The following CDC42SE2 variants were observed in gnomAD, a reference collection of about 807,000 sequenced individuals.
CDC42SE2 encodes the protein CDC42 small effector 2, also known as CDC42 small effector protein 2.
CDC42SE2 carries 3 observed loss-of-function variants against 11.5 expected under a neutral mutation model. The observed-to-expected ratio is 0.26, with a 90% CI of 0.12 to 0.67. The LOEUF (loss-of-function observed/expected upper bound fraction) is 0.67, where lower values mean the gene tolerates loss of function less well. CDC42SE2 is among the 30% of genes least tolerant of loss of function. CDC42SE2 has a pLI of 0.80. For synonymous variants in CDC42SE2, 33 were observed against 34.8 expected (o/e 0.95, Z 0.18); for missense variants, 82 against 106.8 (o/e 0.77, Z 1.02).
intron 1 of CDC42SE2, among the ~76,000 whole-genome samples, chr5:131,245,844 T>C (rs1410690297): frequency 6.6e-6 from 1 of 152,240 alleles, no homozygotes; most frequent in East Asian, 1.9e-4. Context: ...TTGACTTTTA[T>C]TTTAGTCTAT....
intron 1 of CDC42SE2, among the ~76,000 whole-genome samples, chr5:131,265,460 A>T (rs1756840073): frequency 6.6e-6 from 1 of 152,124 alleles, no homozygotes; most frequent in African/African-American, 2.4e-5. Flanking sequence ...AGGGGGGGAA[A>T]AGCTAATGTT....
intron 1 of CDC42SE2, among the ~76,000 whole-genome samples, chr5:131,246,457 A>AAAAAT (rs1365913904): frequency 6.6e-6 from 1 of 152,192 alleles, no homozygotes; most frequent in Non-Finnish European, 1.5e-5. Flanking sequence ...TCTGTCCCAA[A>AAAAAT]AAAATAAAAT....
intron 1 of CDC42SE2, among the ~76,000 whole-genome samples, chr5:131,293,940 C>T (rs763950020): frequency 5.3e-5 from 8 of 152,100 alleles, no homozygotes; most frequent in Non-Finnish European, 1.0e-4. Flanking sequence ...GGGACAAATT[C>T]GATATGTATT....
At chr5:131,296,446 T>G (rs191097605) in intron 1 of CDC42SE2, among the ~76,000 whole-genome samples, 26 of 152,308 alleles carry the variant, frequency 1.7e-4, no homozygotes, top group African/African-American at 6.0e-4. Flanking sequence ...AACAGCGCTG[T>G]GTTCCCCATG....
At chr5:131,219,867 G>A in the CDC42SE2 span, among the ~76,000 whole-genome samples, 6 of 152,144 alleles carry the variant, frequency 3.9e-5, no homozygotes, top group Non-Finnish European at 7.3e-5. Context: ...AGCCCAGGGG[G>A]CAGAGGTTGC....
At chr5:131,351,800 A>G (rs1037645799) in intron 2 of CDC42SE2, among the ~76,000 whole-genome samples, 2 of 152,348 alleles carry the variant, frequency 1.3e-5, no homozygotes, top group Non-Finnish European at 1.5e-5. Flanking sequence ...AAAAAGCACA[A>G]ATCATAAGAG....
At chr5:131,213,540 C>T in the CDC42SE2 span, among the ~76,000 whole-genome samples, 1 of 152,102 alleles carries the variant, frequency 6.6e-6, no homozygotes, top group Admixed American at 6.5e-5. Context: ...CCTTAACCTC[C>T]TGGGCTCAAG....
At chr5:131,222,194 A>T in the CDC42SE2 span, among the ~76,000 whole-genome samples, 1 of 152,348 alleles carries the variant, frequency 6.6e-6, no homozygotes, top group Non-Finnish European at 1.5e-5. Flanking sequence ...CTCAAATTTT[A>T]CTAATTTGGG....
intron 1 of CDC42SE2, among the ~76,000 whole-genome samples, chr5:131,291,072 G>T (rs951474510): frequency 8.5e-5 from 13 of 152,126 alleles, no homozygotes; most frequent in Non-Finnish European, 1.3e-4. Context: ...TTATAAGTGT[G>T]CCTGATTTGT....
In CDC42SE2 at chr5:131,334,014, T is replaced by G. The variant is rs528733312; in HGVS notation, c.-286+17870T>G. On this transcript the variant is annotated intron_variant, in intron 2 of 4. Transcript: ENST00000505065. Reference sequence around the variant, plus strand: ...TCCAACACTATGTTGAATAGGAGTGTTGAGAGAGGGCATCCCTGTCTTGTG... The same window carrying G: ...TCCAACACTATGTTGAATAGGAGTGGTGAGAGAGGGCATCCCTGTCTTGTG... 6.8e-3 allele frequency among the ~76,000 whole-genome samples: 1,034 copies of G among 152,046 alleles called. 14 individuals are homozygous for G. Among genetic ancestry groups the G allele is most frequent in the African/African-American group, 0.024 (984 of 41,360 alleles).
At chr5:131,357,215 T>C (rs1257736766) in intron 2 of CDC42SE2, among the ~76,000 whole-genome samples, 1 of 152,242 alleles carries the variant, frequency 6.6e-6, no homozygotes, top group Non-Finnish European at 1.5e-5. Flanking sequence ...AGGTTCTGAA[T>C]TTTAATTAAT....
At position 131,320,608 on chromosome 5, in the gene CDC42SE2, G is replaced by A. The variant is rs1472281376; in HGVS notation, c.-286+4464G>A. 3.3e-5 allele frequency among the ~76,000 whole-genome samples: 5 copies of A among 152,068 alleles called. No individual in the cohort carries two copies. In the South Asian group the frequency reaches 1.0e-3, roughly 32 times the overall value. On this transcript the variant is annotated intron_variant, in intron 2 of 4. Coordinates refer to ENST00000505065, the MANE Select transcript of CDC42SE2 (RefSeq NM_001375635.1). ...AATACAAAAATTAGCCAGGCATGGT[G>A]GCGCATGCTTGTAATCTCAGCTACT... is the stretch of plus-strand genomic sequence containing the variant.
intron 4 of CDC42SE2, among the ~76,000 whole-genome samples, chr5:131,390,771 A>G (rs986701376): frequency 6.6e-6 from 1 of 152,206 alleles, no homozygotes; most frequent in African/African-American, 2.4e-5. Context: ...GTAATTTGGA[A>G]ATAGAGAAAA....
chr5:131,258,765 TCTAA>T (rs1393692227), intron 2 of CDC42SE2, among the ~76,000 whole-genome samples: 7 of 152,352 alleles, frequency 4.6e-5, no homozygotes, highest in African/African-American at 7.2e-5. Flanking sequence ...AAAAAACTTT[TCTAA>T]CTAATTCAGA....
chr5:131,330,462 C>T (rs961157895), intron 2 of CDC42SE2, among the ~76,000 whole-genome samples: 1 of 152,104 alleles, frequency 6.6e-6, no homozygotes, highest in East Asian at 1.9e-4. Context: ...TTTCCTTATC[C>T]CTCCCATCTG....
At chr5:131,240,144 G>A in the CDC42SE2 span, among the ~76,000 whole-genome samples, 1 of 152,080 alleles carries the variant, frequency 6.6e-6, no homozygotes, top group South Asian at 2.1e-4. Flanking sequence ...TATAGGCTCA[G>A]TTACAGACTT....
intron 3 of CDC42SE2, among the ~76,000 whole-genome samples, chr5:131,367,664 T>C (rs1749899143): frequency 6.6e-6 from 1 of 152,214 alleles, no homozygotes; most frequent in Non-Finnish European, 1.5e-5. Context: ...GTTCATGTCT[T>C]TTGTACATTT....
intron 1 of CDC42SE2, among the ~76,000 whole-genome samples, chr5:131,279,065 G>A (rs909426862): frequency 5.9e-5 from 9 of 151,836 alleles, no homozygotes; most frequent in African/African-American, 1.7e-4. Flanking sequence ...GATTACAGGC[G>A]TAAGCCACCA....
rs148022436 is a variant in CDC42SE2, at chr5:131,373,934, A to G, written c.55-11609A>G. On this transcript the variant is annotated intron_variant, in intron 3 of 4. Coordinates refer to ENST00000505065, the MANE Select transcript of CDC42SE2 (RefSeq NM_001375635.1). The stretch of plus-strand genomic sequence containing the variant: ...AGCAAGTAAAAGAAAAATATAAAGA[A>G]ATGTAAAGTAGAAGGGAAAATTAAG... Among the ~76,000 whole-genome samples, 48 of 152,292 alleles carry G rather than the reference A, an allele frequency of 3.2e-4. No homozygotes were observed. The East Asian group carries it at 7.9e-3, about 25-fold the overall frequency.
Sources: allele counts gnomAD v4.1 joint callset (sites outside exome capture counted in the v4.1 genomes callset), GRCh38; gene constraint gnomAD v4.1.1; transcripts MANE v1.5; gene names NCBI Gene and HGNC (gene_info 2026-07-23, HGNC 2026-07-21).